Variants in STAC observed in about 807,000 individuals in gnomAD.
The protein encoded by STAC is SH3 and cysteine-rich domain-containing protein.
A neutral mutation model predicts 48.8 loss-of-function variants in STAC; 43 were observed. That is an observed-to-expected ratio of 0.88 (90% CI 0.69 to 1.14). STAC has a LOEUF of 1.14. Among genes scored for constraint, STAC ranks in the 50% most tolerant of loss-of-function variants. STAC has a pLI of 0.00. For missense variants in STAC, 497 were observed against 504.0 expected, an observed-to-expected ratio of 0.99 and a Z score of 0.13; for synonymous variants, 193 against 179.5, an observed-to-expected ratio of 1.07 and a Z score of -0.60.
intron 6 of STAC, among the ~76,000 whole-genome samples, chr3:36,503,015 C>T (rs1172150724): frequency 2.0e-5 from 3 of 152,174 alleles, no homozygotes; most frequent in African/African-American, 2.4e-5. Flanking sequence ...TTCTATATCA[C>T]TGTTGTTGAG....
intron 2 of STAC, among the ~76,000 whole-genome samples, chr3:36,453,366 G>C (rs4626042): frequency 0.11 from 16,570 of 152,262 alleles, 972 homozygotes; most frequent in African/African-American, 0.12. Flanking sequence ...GGCGGGAACC[G>C]GGGCTGCGCG....
At chr3:36,416,601 C>G (rs571620883) in intron 1 of STAC, among the ~76,000 whole-genome samples, 10 of 152,194 alleles carry the variant, frequency 6.6e-5, no homozygotes, top group Non-Finnish European at 1.0e-4. Context: ...TTATGCCCAT[C>G]ATCTCCAGTC....
chr3:36,486,157 G>C lies in STAC; in HGVS notation c.595G>C (p.Val199Leu), dbSNP rs760983416. 1.9e-6 allele frequency: 3 copies of C among 1,613,798 alleles called. No individual in the cohort carries two copies. Among genetic ancestry groups the C allele is most frequent in the Admixed American group, 1.7e-5 (1 of 59,968 alleles). The change falls in exon 5 of 11, where the codon GTC becomes CTC. Residue 199 changes from valine (V) to leucine (L), a missense_variant. Transcript: ENST00000273183. ...PIACGNKVDP[V>L]YETLRFGTSL... ...AGCCTGTGGCAATAAGGTGGACCCT[G>C]TCTACGAGACCCTCCGCTTCGGCAC...
intron 1 of STAC, among the ~76,000 whole-genome samples, chr3:36,396,567 G>A (rs992502783): frequency 6.6e-6 from 1 of 152,068 alleles, no homozygotes. Flanking sequence ...GGAGTCATCC[G>A]GGAGAATCAA....
chr3:36,462,775 T>C (rs933082675), intron 2 of STAC, among the ~76,000 whole-genome samples: 1 of 152,140 alleles, frequency 6.6e-6, no homozygotes, highest in Non-Finnish European at 1.5e-5. Flanking sequence ...ATGAGAGCAA[T>C]TTTTGTGGAT....
intron 8 of STAC, among the ~76,000 whole-genome samples, chr3:36,513,600 C>G (rs1298594943): frequency 6.6e-6 from 1 of 152,080 alleles, no homozygotes; most frequent in Non-Finnish European, 1.5e-5. Context: ...CAGAATGATT[C>G]ACATCCCTTC....
intron 2 of STAC, among the ~76,000 whole-genome samples, chr3:36,453,289 A>T (rs1371344127): frequency 6.6e-6 from 1 of 152,176 alleles, no homozygotes; most frequent in African/African-American, 2.4e-5. Context: ...TGGGGGCCCC[A>T]TTCTGGGCTG....
intron 2 of STAC, among the ~76,000 whole-genome samples, chr3:36,451,540 C>T (rs940117584): frequency 6.6e-6 from 1 of 152,130 alleles, no homozygotes; most frequent in Non-Finnish European, 1.5e-5. Flanking sequence ...ATATTTCTAG[C>T]TTTAACCAGT....
chr3:36,496,449 G>A (rs532585254), intron 6 of STAC, among the ~76,000 whole-genome samples: 12 of 152,276 alleles, frequency 7.9e-5, no homozygotes, highest in Non-Finnish European at 1.8e-4. Flanking sequence ...TGCATTACAT[G>A]TTCATTTATG....
At chr3:36,513,203 A>G (rs561465982) in intron 8 of STAC, among the ~76,000 whole-genome samples, 8 of 152,116 alleles carry the variant, frequency 5.3e-5, no homozygotes, top group Non-Finnish European at 1.2e-4. Context: ...CCAAAGGCCA[A>G]TGCTCCAGAC....
chr3:36,541,329 G>T (rs1388752711), intron 10 of STAC, among the ~76,000 whole-genome samples: 1 of 152,200 alleles, frequency 6.6e-6, no homozygotes, highest in Non-Finnish European at 1.5e-5. Flanking sequence ...AGTCACATAG[G>T]ATAGGGATGG....
chr3:36,510,874 T>C (rs1194272010), intron 8 of STAC, among the ~76,000 whole-genome samples: 1 of 151,990 alleles, frequency 6.6e-6, no homozygotes, highest in Non-Finnish European at 1.5e-5. Context: ...GGTTGATGGA[T>C]GCAGCAAACC....
intron 2 of STAC, among the ~76,000 whole-genome samples, chr3:36,474,108 G>A (rs1697424251): frequency 6.6e-6 from 1 of 152,172 alleles, no homozygotes; most frequent in Non-Finnish European, 1.5e-5. Flanking sequence ...ATAGTGGGCT[G>A]TAGAACCTTA....
At chr3:36,388,005 C>A (rs1267063767) in intron 1 of STAC, among the ~76,000 whole-genome samples, 6 of 152,048 alleles carry the variant, frequency 3.9e-5, no homozygotes, top group African/African-American at 1.4e-4. Context: ...TTGTTATTTT[C>A]TGGGTTTTGT....
intron 8 of STAC, among the ~76,000 whole-genome samples, chr3:36,508,271 T>C (rs185445086): frequency 1.9e-3 from 286 of 152,344 alleles, no homozygotes; most frequent in African/African-American, 6.5e-3. Context: ...TTGATTGCAC[T>C]GTGGTCTGAG....
At chr3:36,513,490 T>TG (rs910862518) in intron 8 of STAC, among the ~76,000 whole-genome samples, 2 of 152,238 alleles carry the variant, frequency 1.3e-5, no homozygotes, top group African/African-American at 4.8e-5. Flanking sequence ...TCCTGGTCTC[T>TG]GTGTTTTCAG....
intron 10 of STAC, among the ~76,000 whole-genome samples, chr3:36,540,272 A>G (rs1332497392): frequency 2.0e-5 from 3 of 152,218 alleles, no homozygotes; most frequent in African/African-American, 2.4e-5. Flanking sequence ...TCTGAACCCT[A>G]GAACTGTAAG....
intron 1 of STAC, among the ~76,000 whole-genome samples, chr3:36,409,350 C>T (rs541392956): frequency 1.3e-5 from 2 of 152,156 alleles, no homozygotes; most frequent in Non-Finnish European, 2.9e-5. Flanking sequence ...TTGATTTATG[C>T]TTAACAAGGT....
intron 2 of STAC, among the ~76,000 whole-genome samples, chr3:36,469,339 T>TTGCTGG (rs1697262286): frequency 1.3e-5 from 2 of 152,192 alleles, no homozygotes; most frequent in Non-Finnish European, 2.9e-5. Context: ...TTCCTTCATT[T>TTGCTGG]ATGAAGCTTA....
Sources: gnomAD v4.1 joint callset for allele counts (sites outside exome capture counted in the v4.1 genomes callset) on GRCh38, gnomAD v4.1.1 for gene constraint, MANE v1.5 for transcripts, NCBI Gene and HGNC (gene_info 2026-07-23, HGNC 2026-07-21) for gene names.